The following FBXL7 variants were observed in gnomAD, a reference collection of about 807,000 sequenced individuals.
FBXL7 encodes F-box and leucine rich repeat protein 7.
A neutral mutation model predicts 38.3 loss-of-function variants in FBXL7; 12 were observed. The observed-to-expected ratio is 0.31, with a 90% CI of 0.20 to 0.51. The LOEUF (loss-of-function observed/expected upper bound fraction) is 0.51, where lower values mean the gene tolerates loss of function less well. Ranked by LOEUF, FBXL7 falls within the 20% of genes least tolerant of loss-of-function variation. FBXL7 has a pLI of 0.98. For missense variants in FBXL7, 567 were observed against 676.4 expected, an observed-to-expected ratio of 0.84 and a Z score of 1.79; for synonymous variants, 297 against 300.9, an observed-to-expected ratio of 0.99 and a Z score of 0.13.
chr5:15,926,510 A>G (rs1388995366), intron 2 of FBXL7, among the ~76,000 whole-genome samples: 1 of 150,618 alleles, frequency 6.6e-6, no homozygotes, highest in African/African-American at 2.4e-5. Flanking sequence ...TATATCAAAA[A>G]TATATCATAT....
At chr5:15,569,939 C>T (rs936666862) in intron 1 of FBXL7, among the ~76,000 whole-genome samples, 1 of 152,070 alleles carries the variant, frequency 6.6e-6, no homozygotes, top group African/African-American at 2.4e-5. Flanking sequence ...AGGGATGAAG[C>T]CCACTTGATC....
intron 2 of FBXL7, among the ~76,000 whole-genome samples, chr5:15,868,175 G>T (rs1318376665): frequency 1.3e-5 from 2 of 151,898 alleles, no homozygotes; most frequent in African/African-American, 4.8e-5. Context: ...CTAGAATCAG[G>T]GAGCAGCCCC....
At chr5:15,597,788 A>T (rs144175864) in intron 1 of FBXL7, among the ~76,000 whole-genome samples, 1 of 152,322 alleles carries the variant, frequency 6.6e-6, no homozygotes, top group Admixed American at 6.5e-5. Flanking sequence ...ACAATTATTA[A>T]TCAAGTCTCA....
chr5:15,719,338 G>A (rs2126650673), intron 2 of FBXL7, among the ~76,000 whole-genome samples: 1 of 151,418 alleles, frequency 6.6e-6, no homozygotes, highest in South Asian at 2.1e-4. Flanking sequence ...ATCAAGAACT[G>A]TAGTGAATAT....
chr5:15,796,302 G>A (rs1172219614), intron 2 of FBXL7, among the ~76,000 whole-genome samples: 3 of 152,170 alleles, frequency 2.0e-5, no homozygotes, highest in African/African-American at 7.2e-5. Context: ...TGCAGCCCTC[G>A]GGCCAAATCT....
chr5:15,806,294 C>T (rs1008138416), intron 2 of FBXL7, among the ~76,000 whole-genome samples: 20 of 152,106 alleles, frequency 1.3e-4, no homozygotes, highest in Non-Finnish European at 2.5e-4. Context: ...AAAGTTAACT[C>T]CCCAAATGCT....
intron 3 of FBXL7, among the ~76,000 whole-genome samples, chr5:15,934,912 A>G (rs1742136923): frequency 6.6e-6 from 1 of 152,254 alleles, no homozygotes; most frequent in African/African-American, 2.4e-5. Context: ...CAAATAAATA[A>G]GTGAATAAAT....
At chr5:15,602,583 A>C (rs1209313775) in intron 1 of FBXL7, among the ~76,000 whole-genome samples, 1 of 152,062 alleles carries the variant, frequency 6.6e-6, no homozygotes, top group Non-Finnish European at 1.5e-5. Context: ...GATTGTTTCT[A>C]ATCAACCTAA....
intron 1 of FBXL7, among the ~76,000 whole-genome samples, chr5:15,599,296 G>A (rs1489835874): frequency 6.6e-6 from 1 of 152,144 alleles, no homozygotes; most frequent in African/African-American, 2.4e-5. Flanking sequence ...AGACAGCAGT[G>A]AAATAATCCA....
At chr5:15,847,132 A>G (rs944708528) in intron 2 of FBXL7, among the ~76,000 whole-genome samples, 10 of 152,276 alleles carry the variant, frequency 6.6e-5, no homozygotes, top group Admixed American at 2.0e-4. Context: ...CAGAATTCCC[A>G]GATGGTCCCT....
At chr5:15,545,120 C>T (rs1171334016) in intron 1 of FBXL7, among the ~76,000 whole-genome samples, 1 of 152,176 alleles carries the variant, frequency 6.6e-6, no homozygotes, top group African/African-American at 2.4e-5. Flanking sequence ...AAGACTTAAG[C>T]TTATTTCTTC....
At chr5:15,799,741 C>T (rs1160142504) in intron 2 of FBXL7, among the ~76,000 whole-genome samples, 1 of 152,132 alleles carries the variant, frequency 6.6e-6, no homozygotes, top group African/African-American at 2.4e-5. Context: ...TTGTTCAGTA[C>T]ATCATCACAG....
At chr5:15,667,061 TA>T (rs1378858651) in intron 2 of FBXL7, among the ~76,000 whole-genome samples, 1 of 152,178 alleles carries the variant, frequency 6.6e-6, no homozygotes, top group African/African-American at 2.4e-5. Context: ...TTTTAAGAAA[TA>T]AAAGAGAAAC....
At chr5:15,777,251 A>G (rs1561122869) in intron 2 of FBXL7, among the ~76,000 whole-genome samples, 1 of 152,100 alleles carries the variant, frequency 6.6e-6, no homozygotes, top group Non-Finnish European at 1.5e-5. Flanking sequence ...TAGATCCAGC[A>G]TTGTTTTCAC....
chr5:15,661,990 C>T (rs1007922120), intron 2 of FBXL7, among the ~76,000 whole-genome samples: 2 of 152,186 alleles, frequency 1.3e-5, no homozygotes, highest in Non-Finnish European at 2.9e-5. Context: ...CTGCAATGAA[C>T]ATTTGCATGC....
At chr5:15,685,168 C>T (rs1172320552) in intron 2 of FBXL7, among the ~76,000 whole-genome samples, 2 of 152,146 alleles carry the variant, frequency 1.3e-5, no homozygotes, top group East Asian at 3.9e-4. Context: ...CAGGAACAAA[C>T]AGTGAAACTC....
At chr5:15,766,962 T>G (rs1471835075) in intron 2 of FBXL7, among the ~76,000 whole-genome samples, 2 of 152,262 alleles carry the variant, frequency 1.3e-5, no homozygotes, top group Non-Finnish European at 2.9e-5. Flanking sequence ...CAACTCTGTT[T>G]TAAAAATCTG....
Position 15,868,739 on chromosome 5 carries a change from C to T in FBXL7, c.128-59151C>T, listed in dbSNP as rs141724631. ...ATGTCTACATGACACAATCTCACCT[C>T]TGTCAAGTTTCCATTCAATGGAACC... On this transcript the variant is annotated intron_variant, in intron 2 of 3. Coordinates refer to ENST00000504595, the MANE Select transcript of FBXL7 (RefSeq NM_012304.5). Among the ~76,000 whole-genome samples the T allele has an allele frequency of 2.4e-3, 367 of 152,310 alleles. 6 individuals carry two copies. The highest frequency in any genetic ancestry group is 0.021 in the Admixed American group (318 of 15,292).
chr5:15,928,280 T>G lies in FBXL7; in HGVS notation c.518T>G (p.Leu173Arg). 3 of 1,613,060 alleles carry G rather than the reference T, an allele frequency of 1.9e-6. No homozygotes were observed. The highest frequency in any genetic ancestry group is 2.5e-6 in the Non-Finnish European group (3 of 1,179,506). The stretch of plus-strand genomic sequence containing the variant: ...AACGTGGACCGCGCCCTCAAGGTGC[T>G]GACCCGCAGACTCTGCCAGGACACC... ...TINVDRALKV[L>R]TRRLCQDTPN... Residue 173 changes from leucine (L) to arginine (R), a missense_variant, in exon 3 of 4, where the codon CTG becomes CGG. By Grantham distance (102) the Leu-to-Arg change is moderately radical. Coordinates refer to ENST00000504595, the MANE Select transcript of FBXL7 (RefSeq NM_012304.5). This position sits in a 1 kb window ranked among gnomAD's most constrained non-coding sequence, Gnocchi z 4.0.
Sources: allele counts gnomAD v4.1 joint callset (sites outside exome capture counted in the v4.1 genomes callset), GRCh38; gene constraint gnomAD v4.1.1; non-coding constraint Gnocchi (gnomAD v3.1); transcripts MANE v1.5; gene names NCBI Gene and HGNC (gene_info 2026-07-23, HGNC 2026-07-21).